The following DPYD variants were observed in gnomAD, a reference collection of about 807,000 sequenced individuals.
DPYD encodes dihydropyrimidine dehydrogenase.
DPYD carries 109 observed loss-of-function variants against 116.2 expected under a neutral mutation model. The ratio of observed to expected loss-of-function variants is 0.94; its 90% CI spans 0.80 to 1.10. The LOEUF is 1.10. DPYD is among the 50% of genes least tolerant of loss of function. The probability of loss-of-function intolerance (pLI) is 0.00; values close to 1 mark genes in which losing one functional copy is unlikely to be tolerated. For missense variants in DPYD, 1,302 were observed against 1,254.5 expected, an observed-to-expected ratio of 1.04 and a Z score of -0.57; for synonymous variants, 440 against 432.0, an observed-to-expected ratio of 1.02 and a Z score of -0.23.
Position 97,545,365 on chromosome 1 carries a change from C to G in DPYD, c.1524+4195G>C, listed in dbSNP as rs1650761303. Among the ~76,000 whole-genome samples, 3 of 152,196 alleles carry G rather than the reference C, an allele frequency of 2.0e-5. No individual in the cohort carries two copies. In the South Asian group the frequency reaches 6.2e-4, roughly 32 times the overall value. ...GTTATTCTGTAAAAGAAGAAGCCAT[C>G]AGCATTGTATTGATTTCCAAATCAA... On this transcript the variant is annotated intron_variant, in intron 12 of 22. Coordinates refer to ENST00000370192, the MANE Select transcript of DPYD (RefSeq NM_000110.4).
chr1:97,485,550 A>C (rs4950038), intron 13 of DPYD, among the ~76,000 whole-genome samples: 28,460 of 151,976 alleles, frequency 0.19, 2,813 homozygotes, highest in East Asian at 0.26. Flanking sequence ...ATGTCATTTA[A>C]TATTTTATTC....
rs1421479849 is a variant in DPYD, at chr1:97,516,584, G to C, written c.1525-643C>G. On this transcript the variant is annotated intron_variant, in intron 12 of 22. Transcript: ENST00000370192. ...TCTGAAACCAAATAGGTCCCAAATA[G>C]TTTACGTCAAAATCTTCGACTGGCA... Among the ~76,000 whole-genome samples the C allele has an allele frequency of 3.3e-5, 5 of 152,058 alleles. No individual in the cohort carries two copies. The East Asian group carries it at 7.7e-4, about 24-fold the overall frequency.
chr1:97,134,988 TA>T (rs563947127), intron 20 of DPYD, among the ~76,000 whole-genome samples: 1,955 of 151,904 alleles, frequency 0.013, 38 homozygotes, highest in African/African-American at 0.037. Context: ...TATATATATA[TA>T]TTTTTTTTAT....
At chr1:97,654,821 G>T (rs114261818) in intron 8 of DPYD, among the ~76,000 whole-genome samples, 1,990 of 152,176 alleles carry the variant, frequency 0.013, 21 homozygotes, top group Middle Eastern at 0.024. Flanking sequence ...AAATGGAATC[G>T]CAGTTCCATG....
At chr1:97,408,895 CT>C in intron 14 of DPYD, among the ~76,000 whole-genome samples, 1 of 152,250 alleles carries the variant, frequency 6.6e-6, no homozygotes, top group Non-Finnish European at 1.5e-5. Flanking sequence ...AGCTTTTGGA[CT>C]CTTGGACTTA....
intron 10 of DPYD, among the ~76,000 whole-genome samples, chr1:97,587,806 A>G (rs1654238458): frequency 6.7e-6 from 1 of 149,786 alleles, no homozygotes; most frequent in Non-Finnish European, 1.5e-5. Flanking sequence ...CCTAGGTGAC[A>G]GAGCAAGACT....
chr1:97,574,981 A>G (rs576850055), intron 10 of DPYD, among the ~76,000 whole-genome samples: 8 of 152,248 alleles, frequency 5.3e-5, no homozygotes, highest in Admixed American at 5.2e-4. Flanking sequence ...AATTAACTCA[A>G]TGCTGTAATC....
At chr1:97,552,849 A>AAC (rs1651423606) in intron 11 of DPYD, among the ~76,000 whole-genome samples, 1 of 152,048 alleles carries the variant, frequency 6.6e-6, no homozygotes, top group Admixed American at 6.6e-5. Context: ...CTTCAAGTTT[A>AAC]ACATGTTCCT....
intron 14 of DPYD, among the ~76,000 whole-genome samples, chr1:97,436,945 T>C (rs559250730): frequency 1.1e-4 from 16 of 151,986 alleles, no homozygotes; most frequent in South Asian, 2.1e-4. Flanking sequence ...AAAAGGGCTA[T>C]AATAATTTTA....
chr1:97,846,869 A>T (rs187705029), intron 2 of DPYD, among the ~76,000 whole-genome samples: 2 of 152,342 alleles, frequency 1.3e-5, no homozygotes, highest in African/African-American at 4.8e-5. Context: ...AACTAATAAA[A>T]CATTAGTTCA....
intron 19 of DPYD, among the ~76,000 whole-genome samples, chr1:97,197,525 A>T (rs964314587): frequency 2.6e-5 from 4 of 152,174 alleles, no homozygotes; most frequent in Admixed American, 2.6e-4. Context: ...ACTGCAAGGG[A>T]TGAACAGTAA....
At chr1:97,181,980 T>C (rs1191043305) in intron 20 of DPYD, among the ~76,000 whole-genome samples, 1 of 152,126 alleles carries the variant, frequency 6.6e-6, no homozygotes, top group East Asian at 1.9e-4. Flanking sequence ...TGCCTTTACA[T>C]AAATGGAGGA....
intron 16 of DPYD, among the ~76,000 whole-genome samples, chr1:97,366,723 A>C (rs531187004): frequency 1.3e-5 from 2 of 152,280 alleles, no homozygotes; most frequent in South Asian, 4.1e-4. Flanking sequence ...CCTGCAGAAG[A>C]TGTCTCAGGA....
chr1:97,871,797 C>G (rs927396217), intron 2 of DPYD, among the ~76,000 whole-genome samples: 4 of 151,744 alleles, frequency 2.6e-5, no homozygotes, highest in Non-Finnish European at 5.9e-5. Context: ...CATGGTTTTT[C>G]CATATACATT....
chr1:97,378,736 C>T (rs908841164), intron 15 of DPYD, among the ~76,000 whole-genome samples: 1 of 152,142 alleles, frequency 6.6e-6, no homozygotes, highest in East Asian at 1.9e-4. Flanking sequence ...TAAAGAAAGC[C>T]TTGTGCTTGG....
chr1:97,569,301 C>G (rs1652738398), intron 11 of DPYD, among the ~76,000 whole-genome samples: 12 of 151,556 alleles, frequency 7.9e-5, no homozygotes. Flanking sequence ...AAACCTGACA[C>G]TGTACCAACA....
intron 8 of DPYD, among the ~76,000 whole-genome samples, chr1:97,625,260 TATAAATCAAGA>T (rs1298756595): frequency 6.6e-6 from 1 of 152,038 alleles, no homozygotes; most frequent in Admixed American, 6.6e-5. Context: ...AATAAACTTT[TATAAATCAAGA>T]AAAGAACTAT....
At chr1:97,737,269 C>T (rs1664016007) in intron 4 of DPYD, among the ~76,000 whole-genome samples, 2 of 152,152 alleles carry the variant, frequency 1.3e-5, no homozygotes, top group African/African-American at 4.8e-5. Context: ...GGGGTAAATA[C>T]TTATTATCCA....
At chr1:97,569,768 A>G (rs895600668) in intron 11 of DPYD, among the ~76,000 whole-genome samples, 2 of 152,040 alleles carry the variant, frequency 1.3e-5, no homozygotes, top group Non-Finnish European at 2.9e-5. Context: ...TTAAAATTTG[A>G]GCTAGTGTTT....
Sources: allele counts gnomAD v4.1 joint callset (sites outside exome capture counted in the v4.1 genomes callset), GRCh38; gene constraint gnomAD v4.1.1; transcripts MANE v1.5; gene names NCBI Gene and HGNC (gene_info 2026-07-23, HGNC 2026-07-21).